The following YAP1 variants were observed in gnomAD, a reference collection of about 807,000 sequenced individuals.
The protein encoded by YAP1 is Yes1 associated transcriptional regulator.
In YAP1, 5 loss-of-function variants were observed where a neutral mutation model predicts 56.9. That is an observed-to-expected ratio of 0.09 (90% CI 0.05 to 0.18). YAP1 has a LOEUF of 0.18. Among genes scored for constraint, YAP1 ranks in the 10% least tolerant of loss-of-function variants. The probability of loss-of-function intolerance (pLI) is 1.00; values close to 1 mark genes in which losing one functional copy is unlikely to be tolerated. For synonymous variants in YAP1, 265 were observed against 248.1 expected, an observed-to-expected ratio of 1.07 and a Z score of -0.64; for missense variants, 539 against 651.8, an observed-to-expected ratio of 0.83 and a Z score of 1.88.
chr11:102,193,081 T>C (rs921805897), intron 4 of YAP1, among the ~76,000 whole-genome samples: 1 of 152,166 alleles, frequency 6.6e-6, no homozygotes, highest in Non-Finnish European at 1.5e-5. Context: ...TTCTAAAATT[T>C]AAAACTCCCA....
At chr11:102,205,235 C>T (rs1054740900) in intron 4 of YAP1, among the ~76,000 whole-genome samples, 9 of 151,844 alleles carry the variant, frequency 5.9e-5, no homozygotes, top group Non-Finnish European at 2.9e-5. Context: ...CATCCAGATA[C>T]TTGTGGACTC....
chr11:102,185,196 ATACTT>A (rs1286208411), intron 3 of YAP1, among the ~76,000 whole-genome samples: 1 of 152,152 alleles, frequency 6.6e-6, no homozygotes, highest in African/African-American at 2.4e-5. Context: ...TTATGTTTGA[ATACTT>A]TAGTTATTTA....
chr11:102,195,784 A>G (rs1565256038), intron 4 of YAP1, among the ~76,000 whole-genome samples: 2 of 152,210 alleles, frequency 1.3e-5, no homozygotes. Flanking sequence ...TTTCTTTATA[A>G]ATTACCCAGT....
At chr11:102,207,054 C>A (rs938780335) in intron 5 of YAP1, among the ~76,000 whole-genome samples, 1 of 152,112 alleles carries the variant, frequency 6.6e-6, no homozygotes, top group Non-Finnish European at 1.5e-5. Flanking sequence ...TTTACTTTAT[C>A]TTATTTCAGA....
chr11:102,223,891 G>C, intron 7 of YAP1, 139 bp downstream of exon 7: 1 of 1,101,950 alleles, frequency 9.1e-7, no homozygotes, highest in African/African-American at 1.6e-5. Flanking sequence ...TCTGTAAATG[G>C]CAAGTACATG....
At chr11:102,142,808 G>C (rs1945095991) in intron 2 of YAP1, among the ~76,000 whole-genome samples, 1 of 152,118 alleles carries the variant, frequency 6.6e-6, no homozygotes, top group African/African-American at 2.4e-5. Context: ...TAATTTCAAA[G>C]AACCGTTTGT....
At chr11:102,146,811 T>A (rs935450727) in intron 2 of YAP1, among the ~76,000 whole-genome samples, 1 of 152,212 alleles carries the variant, frequency 6.6e-6, no homozygotes, top group African/African-American at 2.4e-5. Context: ...ACTTTCATTC[T>A]TGGGTCCATA....
intron 5 of YAP1, among the ~76,000 whole-genome samples, chr11:102,208,020 C>T (rs1048697351): frequency 1.3e-5 from 2 of 152,128 alleles, no homozygotes; most frequent in Non-Finnish European, 2.9e-5. Context: ...GCCTTTGATC[C>T]CCTCCTCAAA....
At chr11:102,175,041 T>C (rs1469825701) in intron 3 of YAP1, among the ~76,000 whole-genome samples, 2 of 152,168 alleles carry the variant, frequency 1.3e-5, no homozygotes, top group Non-Finnish European at 2.9e-5. Context: ...TCTAAGTACC[T>C]ATAGGACATG....
chr11:102,140,694 T>A (rs538751374), intron 2 of YAP1, among the ~76,000 whole-genome samples: 2 of 151,986 alleles, frequency 1.3e-5, no homozygotes, highest in African/African-American at 4.8e-5. Context: ...AATACAAAAA[T>A]TAGCCGGGCG....
intron 3 of YAP1, among the ~76,000 whole-genome samples, chr11:102,173,754 T>A (rs557703160): frequency 2.6e-5 from 4 of 152,310 alleles, no homozygotes; most frequent in Admixed American, 2.0e-4. Flanking sequence ...CCCTTTATAG[T>A]CTCTAAACTA....
At chr11:102,175,354 C>T (rs904611518) in intron 3 of YAP1, among the ~76,000 whole-genome samples, 3 of 151,934 alleles carry the variant, frequency 2.0e-5, no homozygotes, top group Admixed American at 1.3e-4. Flanking sequence ...GAGCCAAGAT[C>T]GCGCCACTGC....
chr11:102,196,822 T>C (rs1222244436), intron 4 of YAP1, among the ~76,000 whole-genome samples: 2 of 152,194 alleles, frequency 1.3e-5, no homozygotes, highest in African/African-American at 2.4e-5. Flanking sequence ...CTTTTGTATA[T>C]TGATCATAAA....
chr11:102,180,882 C>T (rs1362829685), intron 3 of YAP1, among the ~76,000 whole-genome samples: 2 of 151,856 alleles, frequency 1.3e-5, no homozygotes, highest in Admixed American at 1.3e-4. Flanking sequence ...CATGGTAGCT[C>T]GCACCTGTAA....
rs1289755159 is a variant in YAP1 at position 102,170,278 on chromosome 11, T to C, written c.688+7707T>C. 3.9e-5 allele frequency among the ~76,000 whole-genome samples: 6 copies of C among 152,384 alleles called. No individual in the cohort carries two copies. The East Asian group carries it at 1.2e-3, about 29-fold the overall frequency. On this transcript the variant is annotated intron_variant, in intron 3 of 8. Transcript: ENST00000282441. ...TTTGTTTAAAGAAACCCACATTCAT[T>C]ATGCTGAGATGTGGGTATATAATTA...
At chr11:102,174,137 A>G (rs1947087427) in intron 3 of YAP1, among the ~76,000 whole-genome samples, 1 of 152,134 alleles carries the variant, frequency 6.6e-6, no homozygotes, top group East Asian at 1.9e-4. Context: ...AATGGCTTAA[A>G]CTTAAATCCA....
intron 4 of YAP1, among the ~76,000 whole-genome samples, chr11:102,197,797 A>T (rs952041098): frequency 6.6e-6 from 1 of 152,210 alleles, no homozygotes; most frequent in Non-Finnish European, 1.5e-5. Flanking sequence ...GTTGATAGCC[A>T]GAGGAAGAAG....
intron 3 of YAP1, among the ~76,000 whole-genome samples, chr11:102,165,281 G>C (rs949591879): frequency 2.0e-5 from 3 of 152,112 alleles, no homozygotes; most frequent in African/African-American, 7.2e-5. Flanking sequence ...GATGGCTTGA[G>C]CCTGGGAAAT....
chr11:102,227,182 T>G (rs915664898), intron 7 of YAP1: 1 of 300,336 alleles, frequency 3.3e-6, no homozygotes, highest in Non-Finnish European at 6.2e-6. Flanking sequence ...GAAAACTAAC[T>G]GGGGGTATCT....
Sources: allele counts gnomAD v4.1 joint callset (sites outside exome capture counted in the v4.1 genomes callset), GRCh38; gene constraint gnomAD v4.1.1; transcripts MANE v1.5; gene names NCBI Gene and HGNC (gene_info 2026-07-23, HGNC 2026-07-21).